Variants in MDGA1 observed in about 807,000 individuals in gnomAD.
The protein encoded by MDGA1 is MAM domain-containing glycosylphosphatidylinositol anchor protein 1.
A neutral mutation model predicts 101.5 loss-of-function variants in MDGA1; 54 were observed. The ratio of observed to expected loss-of-function variants is 0.53; its 90% confidence interval spans 0.43 to 0.67. The LOEUF (loss-of-function observed/expected upper bound fraction) is 0.67, where lower values mean the gene tolerates loss of function less well. Ranked by LOEUF, MDGA1 falls within the 30% of genes least tolerant of loss-of-function variation. The pLI, the probability that MDGA1 is intolerant of heterozygous loss-of-function variation, is 0.00. For missense variants in MDGA1, 1,083 were observed against 1,323.8 expected (o/e 0.82, Z 2.82); for synonymous variants, 533 against 558.3 (o/e 0.95, Z 0.64).
chr6:37,654,896 G>C lies in MDGA1; in HGVS notation c.616C>G (p.Pro206Ala), dbSNP rs1466215063. Reference sequence around the variant, plus strand: ...CAGGTGTAGCTGGCATAGTCCTGGGGCCGCAGGTTCTTCAGCTTCAGGACC... The same window carrying C: ...CAGGTGTAGCTGGCATAGTCCTGGGCCCGCAGGTTCTTCAGCTTCAGGACC... Reference protein sequence around the residue: ...TKVLKLKNLRPQDYASYTCQV... With the variant: ...TKVLKLKNLRAQDYASYTCQV... The change falls in exon 5 of 17, where the codon CCC becomes GCC. Residue 206 changes from proline (P) to alanine (A), a missense_variant. Physicochemically the swap from Pro to Ala is conservative, Grantham distance 27. This residue lies in a region of MDGA1 where 310 missense variants were observed against 355.9 expected (regional missense o/e 0.87). Transcript: ENST00000434837. 6.2e-7 allele frequency: 1 copy of C among 1,613,692 alleles called. No individual in the cohort carries two copies. Among genetic ancestry groups the C allele is most frequent in the South Asian group, 1.1e-5 (1 of 91,066 alleles).
chr6:37,686,572 G>A (rs1258238598), intron 1 of MDGA1, among the ~76,000 whole-genome samples: 1 of 151,922 alleles, frequency 6.6e-6, no homozygotes, highest in East Asian at 1.9e-4. Flanking sequence ...GATTACAGGT[G>A]TCCGCCACCA....
chr6:37,642,810 C>T (rs1764121643), intron 14 of MDGA1, among the ~76,000 whole-genome samples: 1 of 152,208 alleles, frequency 6.6e-6, no homozygotes, highest in Non-Finnish European at 1.5e-5. Flanking sequence ...ATACCTGTCT[C>T]TCCCACTTGC....
rs1300379940 is a variant in MDGA1, at chr6:37,638,175, C to T, written c.2776+30G>A. ...CGCCACGCACAGCTCCCTCCAGATT[C>T]AGCTCCCCCACCTCCTTCCCGTCTT... On this transcript the variant is annotated intron_variant, in intron 16 of 16. Coordinates refer to ENST00000434837, the MANE Select transcript of MDGA1 (RefSeq NM_153487.4). The surrounding 1 kb of genome is among the most constrained non-coding windows in gnomAD (Gnocchi z 4.8). The T allele has an allele frequency of 6.3e-7, 1 of 1,589,478 alleles. No individual in the cohort carries two copies.
rs755714350 is a variant in MDGA1, at chr6:37,638,319, G to T, written c.2668-6C>A. On this transcript the variant is annotated splice_region_variant and splice_polypyrimidine_tract_variant and intron_variant, in intron 15 of 16. Coordinates refer to ENST00000434837, the MANE Select transcript of MDGA1 (RefSeq NM_153487.4). The surrounding 1 kb of genome is among the most constrained non-coding windows in gnomAD (Gnocchi z 4.8). The stretch of plus-strand genomic sequence containing the variant: ...CGAACCCCCTCAAAAATAATCTGGG[G>T]TGGGGTCAGAAAGCAAGGAGCAAGG... The T allele has an allele frequency of 6.9e-6, 11 of 1,599,386 alleles. No individual in the cohort carries two copies. Among genetic ancestry groups the T allele is most frequent in the Non-Finnish European group, 9.4e-6 (11 of 1,171,608 alleles).
intron 2 of MDGA1, among the ~76,000 whole-genome samples, chr6:37,660,185 T>C (rs1761590223): frequency 6.6e-6 from 1 of 151,822 alleles, no homozygotes; most frequent in South Asian, 2.1e-4. Context: ...GCTAATTTTT[T>C]TTTTTTTTTT....
At chr6:37,641,019 A>G (rs971822744) in intron 14 of MDGA1, among the ~76,000 whole-genome samples, 3 of 152,020 alleles carry the variant, frequency 2.0e-5, no homozygotes, top group African/African-American at 4.8e-5. Context: ...GGAAACTTCA[A>G]TGTGCTCCTC....
At chr6:37,664,597 C>T (rs1377795965) in intron 1 of MDGA1, among the ~76,000 whole-genome samples, 3 of 59,364 alleles carry the variant, frequency 5.1e-5, no homozygotes, top group East Asian at 6.7e-4. Flanking sequence ...CTCTCCCCCA[C>T]AATACACACA....
intron 1 of MDGA1, among the ~76,000 whole-genome samples, chr6:37,681,327 C>T (rs12529108): frequency 0.14 from 21,759 of 152,166 alleles, 1,678 homozygotes; most frequent in South Asian, 0.2. Context: ...GCCCCTGCCC[C>T]CCCTCTTCAG....
At chr6:37,646,480 T>C (rs1235147488) in intron 10 of MDGA1, 105 bp from the exon 11 acceptor site, 1 of 934,510 alleles carries the variant, frequency 1.1e-6, no homozygotes, top group Admixed American at 3.4e-5. Context: ...CCCAGGGCTG[T>C]CTTCATAATA....
chr6:37,637,907 C>T (rs558538240), intron 16 of MDGA1: 1 of 535,442 alleles, frequency 1.9e-6, no homozygotes, highest in African/African-American at 1.9e-5. Flanking sequence ...ACGTTCACCT[C>T]TGGAGCCAGA....
At position 37,664,169 on chromosome 6, in the gene MDGA1, G is replaced by A. The variant is rs1347145409; in HGVS notation, c.68-63C>T. The stretch of plus-strand genomic sequence containing the variant: ...GGTGCCAAGGCCAGAAGAAGTCTGG[G>A]GCTCCCTCCTGAGTGTATCTGGGAG... On this transcript the variant is annotated intron_variant, in intron 1 of 16. Coordinates refer to ENST00000434837, the MANE Select transcript of MDGA1 (RefSeq NM_153487.4). 45 of 1,600,620 alleles carry A rather than the reference G, an allele frequency of 2.8e-5. No homozygotes were observed. The Middle Eastern group carries it at 1.5e-3, about 54-fold the overall frequency.
intron 2 of MDGA1, among the ~76,000 whole-genome samples, chr6:37,659,030 G>C (rs9366945): frequency 0.16 from 23,315 of 150,100 alleles, 2,035 homozygotes; most frequent in Middle Eastern, 0.22. Flanking sequence ...GGGAAAGCCA[G>C]CTGTCAGGTC....
intron 1 of MDGA1, among the ~76,000 whole-genome samples, chr6:37,670,861 G>A (rs1761854270): frequency 1.3e-5 from 2 of 152,230 alleles, no homozygotes; most frequent in African/African-American, 4.8e-5. Flanking sequence ...GAACCGTCTT[G>A]TCCAAGTCAC....
rs763895554 is a variant in MDGA1, at chr6:37,647,070, C to T, written c.2046+103G>A. ...ATTGCCTCTAAAAGGGTCAACGTGT[C>T]TAAGCCCCATCTCCGACCCTTCCTC... On this transcript the variant is annotated intron_variant, in intron 10 of 16. Coordinates refer to ENST00000434837, the MANE Select transcript of MDGA1 (RefSeq NM_153487.4). The T allele has an allele frequency of 2.2e-5, 24 of 1,107,164 alleles. No homozygotes were observed. The African/African-American group carries it at 3.1e-4, about 14-fold the overall frequency. 68.6% of individuals were successfully genotyped at this position (1,107,164 alleles called of 1,614,324 possible). A position where few individuals can be genotyped will look rare whatever the true frequency, so the allele number is the denominator to read the frequency against.
At chr6:37,657,090 C>G (rs960340222) in intron 3 of MDGA1, among the ~76,000 whole-genome samples, 3 of 152,156 alleles carry the variant, frequency 2.0e-5, no homozygotes, top group Non-Finnish European at 2.9e-5. Context: ...TTTACACACA[C>G]ACACATATGT....
rs1199809643 is a variant in MDGA1 at position 37,646,005 on chromosome 6, T to C, written c.2225-49A>G. 3.1e-6 allele frequency: 5 copies of C among 1,613,260 alleles called. No homozygotes were observed. In the African/African-American group the frequency reaches 4.0e-5, roughly 13 times the overall value. ...AAGTCAGAACTGAGGTGTGGGGCTC[T>C]GCAGAGGATACCCTGCTTGGGACCA... On this transcript the variant is annotated intron_variant, in intron 11 of 16. Coordinates refer to ENST00000434837, the MANE Select transcript of MDGA1 (RefSeq NM_153487.4).
At position 37,635,892 on chromosome 6, in the gene MDGA1, C is replaced by G. The variant is rs116647139; in HGVS notation, c.*1476G>C. On this transcript the variant is annotated 3_prime_UTR_variant, in exon 17 of 17. Coordinates refer to ENST00000434837, the MANE Select transcript of MDGA1 (RefSeq NM_153487.4). The stretch of plus-strand genomic sequence containing the variant: ...CATCACTCAGGAAGGTGGACACACA[C>G]GCTGACGTACACGGACATTCATAGA... 12 of 397,810 alleles carry G rather than the reference C, an allele frequency of 3.0e-5. No individual in the cohort carries two copies. Among genetic ancestry groups the G allele is most frequent in the African/African-American group, 1.0e-4 (5 of 48,748 alleles). The allele number at this position is 397,810 out of a possible 1,614,324, so 24.6% of individuals were successfully genotyped here.
At chr6:37,658,097 C>A (rs561643353) in intron 3 of MDGA1, 148 bp downstream of exon 3, 14 of 852,846 alleles carry the variant, frequency 1.6e-5, no homozygotes, top group Admixed American at 1.3e-4. Context: ...GGGTGGTACA[C>A]ACCGCCTGGT....
At chr6:37,694,152 T>C (rs1346923377) in intron 1 of MDGA1, among the ~76,000 whole-genome samples, 1 of 152,098 alleles carries the variant, frequency 6.6e-6, no homozygotes, top group Non-Finnish European at 1.5e-5. Context: ...TATACATTTT[T>C]CTCCTATGTC....
Sources: gnomAD v4.1 joint callset for allele counts (sites outside exome capture counted in the v4.1 genomes callset) on GRCh38, gnomAD v4.1.1 for gene constraint, gnomAD v4.1.1 regional missense constraint, Gnocchi (gnomAD v3.1) non-coding constraint, MANE v1.5 for transcripts, NCBI Gene and HGNC (gene_info 2026-07-23, HGNC 2026-07-21) for gene names.